The following STRN variants were observed in gnomAD, a reference collection of about 807,000 sequenced individuals.
STRN encodes striatin.
A neutral mutation model predicts 96.3 loss-of-function variants in STRN; 53 were observed. The observed-to-expected ratio is 0.55, with a 90% confidence interval of 0.44 to 0.69. The LOEUF (loss-of-function observed/expected upper bound fraction) is 0.69. Ranked by LOEUF, STRN falls within the 30% of genes least tolerant of loss-of-function variation. The probability of loss-of-function intolerance (pLI) is 0.00; values close to 1 mark genes in which losing one functional copy is unlikely to be tolerated. For missense variants in STRN, 987 were observed against 963.9 expected, an observed-to-expected ratio of 1.02 and a Z score of -0.32; for synonymous variants, 428 against 355.9, an observed-to-expected ratio of 1.20 and a Z score of -2.28.
rs1181433207 is a variant in STRN at position 36,839,686 on chromosome 2, GCTTT to G, written c.*9766_*9769del. ...GTCCTATTGTCCAGGCCAAATTCCT[GCTTT>G]CTTCTGTGTTGAACTGATCTTAAAG... On this transcript the variant is annotated 3_prime_UTR_variant, in exon 18 of 18. Transcript: ENST00000263918. 2.0e-5 allele frequency among the ~76,000 whole-genome samples: 3 copies of G among 152,056 alleles called. No homozygotes were observed. The East Asian group carries it at 5.8e-4, about 29-fold the overall frequency.
chr2:36,964,780 A>C (rs935626776), intron 1 of STRN, among the ~76,000 whole-genome samples: 1 of 152,130 alleles, frequency 6.6e-6, no homozygotes, highest in Non-Finnish European at 1.5e-5. Flanking sequence ...TGCCACTATA[A>C]GCCATTATAT....
intron 2 of STRN, among the ~76,000 whole-genome samples, chr2:36,917,892 TACTA>T (rs1182572534): frequency 2.0e-5 from 3 of 152,160 alleles, no homozygotes; most frequent in African/African-American, 7.2e-5. Context: ...AGGTACAAAA[TACTA>T]TGTATGTCTC....
At chr2:36,916,701 G>C (rs906571397) in intron 2 of STRN, among the ~76,000 whole-genome samples, 3 of 152,118 alleles carry the variant, frequency 2.0e-5, no homozygotes, top group African/African-American at 7.2e-5. Flanking sequence ...TATTCCAGTA[G>C]AAAGGAATTT....
rs142495371 is a variant in STRN, at chr2:36,960,160, C to A, written c.234+6070G>T. On this transcript the variant is annotated intron_variant, in intron 1 of 17. Transcript: ENST00000263918. ...AAAGAGCCAAATAAAATGTAGGATTCATTTCATAATGTGGTTAGTAAATTT... is the reference window on the plus strand; with the variant it reads ...AAAGAGCCAAATAAAATGTAGGATTAATTTCATAATGTGGTTAGTAAATTT... 2.7e-3 allele frequency among the ~76,000 whole-genome samples: 418 copies of A among 152,262 alleles called. 1 individual carries two copies. The highest frequency in any genetic ancestry group is 9.7e-3 in the African/African-American group (401 of 41,542).
In STRN at chr2:36,916,004, G is replaced by A. The variant is rs571116618; in HGVS notation, c.412+74C>T. On this transcript the variant is annotated intron_variant, in intron 3 of 17. Transcript: ENST00000263918. Reference sequence around the variant, plus strand: ...ACAAATAATTAGAAAGTAACTTACAGTTGTAAATGCTGCTAGAAAATACTA... The same window carrying A: ...ACAAATAATTAGAAAGTAACTTACAATTGTAAATGCTGCTAGAAAATACTA... The A allele has an allele frequency of 1.8e-5, 23 of 1,313,280 alleles. 1 individual carries two copies. The East Asian group carries it at 2.3e-4, about 13-fold the overall frequency. 81.4% of individuals were successfully genotyped at this position (1,313,280 alleles called of 1,614,324 possible). A position where few individuals can be genotyped will look rare whatever the true frequency, so the allele number is the denominator to read the frequency against.
At chr2:36,942,934 G>A (rs1274983844) in intron 1 of STRN, among the ~76,000 whole-genome samples, 2 of 152,110 alleles carry the variant, frequency 1.3e-5, no homozygotes, top group Non-Finnish European at 2.9e-5. Flanking sequence ...GACCTCAAGG[G>A]ATTTGCCCGC....
At chr2:36,889,607 C>T (rs1669332422) in intron 7 of STRN, among the ~76,000 whole-genome samples, 1 of 58,022 alleles carries the variant, frequency 1.7e-5, no homozygotes, top group Non-Finnish European at 3.2e-5. Flanking sequence ...TAAGCATATT[C>T]TTCTTTTTTT....
At chr2:36,884,345 A>G (rs569872370) in intron 8 of STRN, among the ~76,000 whole-genome samples, 11 of 152,364 alleles carry the variant, frequency 7.2e-5, no homozygotes, top group African/African-American at 2.4e-4. Context: ...ATGAAAAATA[A>G]CATTCTTTAG....
chr2:36,966,460 C>G lies in STRN; in HGVS notation c.4G>C (p.Asp2His). 6.9e-7 allele frequency: 1 copy of G among 1,455,212 alleles called. No homozygotes were observed. The highest frequency in any genetic ancestry group is 2.7e-5 in the Admixed American group (1 of 37,122). The allele number at this position is 1,455,212 out of a possible 1,614,324, so 90.1% of individuals were successfully genotyped here. Residue 2 changes from aspartate (D) to histidine (H), a missense_variant, in exon 1 of 18, where the codon GAC (aspartate) becomes CAC (histidine). Physicochemically the swap from Asp to His is moderately conservative, Grantham distance 81 (BLOSUM62 -1). Transcript: ENST00000263918. ...AAGACGCCGGGACCCGCCTGCTCGT[C>G]CATGGCGGCCGCAGATACCCGGGGA... is the stretch of plus-strand genomic sequence containing the variant. MDEQAGPGVFFS... is the reference protein window; with the variant it reads MHEQAGPGVFFS...
At chr2:36,937,239 G>GATTCCC (rs1670724281) in intron 1 of STRN, among the ~76,000 whole-genome samples, 3 of 151,932 alleles carry the variant, frequency 2.0e-5, no homozygotes, top group African/African-American at 7.2e-5. Context: ...AGCTACTTGG[G>GATTCCC]AAGCTGAGGC....
intron 3 of STRN, among the ~76,000 whole-genome samples, chr2:36,908,599 G>T (rs1029746640): frequency 3.3e-5 from 5 of 152,024 alleles, no homozygotes; most frequent in Admixed American, 6.6e-5. Context: ...ATCTTAATAA[G>T]AATCAAATAA....
At chr2:36,937,269 G>C (rs1670726602) in intron 1 of STRN, among the ~76,000 whole-genome samples, 1 of 151,676 alleles carries the variant, frequency 6.6e-6, no homozygotes, top group South Asian at 2.1e-4. Flanking sequence ...GCATGAACCG[G>C]GGAGGTGGAG....
chr2:36,920,872 C>G (rs1185233606), intron 2 of STRN, among the ~76,000 whole-genome samples: 1 of 151,744 alleles, frequency 6.6e-6, no homozygotes, highest in Admixed American at 6.6e-5. Flanking sequence ...GTCAAGGGAT[C>G]GAGACCATCC....
At chr2:36,964,376 CACA>C (rs751088986) in intron 1 of STRN, among the ~76,000 whole-genome samples, 14 of 151,972 alleles carry the variant, frequency 9.2e-5, no homozygotes, top group Non-Finnish European at 1.6e-4. Context: ...CCCACAACTG[CACA>C]ACATTAAAGT....
chr2:36,874,605 GATA>G (rs1034534169), intron 10 of STRN, among the ~76,000 whole-genome samples: 4 of 148,738 alleles, frequency 2.7e-5, no homozygotes, highest in African/African-American at 4.9e-5. Flanking sequence ...AATAGACACA[GATA>G]ATAATAGTGA....
intron 1 of STRN, among the ~76,000 whole-genome samples, chr2:36,938,937 T>C (rs534485374): frequency 2.7e-4 from 41 of 152,272 alleles, no homozygotes; most frequent in African/African-American, 9.4e-4. Context: ...AGAAAACCAA[T>C]AGCACAAACC....
chr2:36,848,008 G>C lies in STRN; in HGVS notation c.*1448C>G, dbSNP rs550470583. 1 of 152,302 alleles carries C rather than the reference G, an allele frequency of 6.6e-6. No homozygotes were observed. The highest frequency in any genetic ancestry group is 2.1e-4 in the South Asian group (1 of 4,828). The allele number at this position is 152,302 out of a possible 1,614,324, so 9.4% of individuals were successfully genotyped here. A position where few individuals can be genotyped will look rare whatever the true frequency, so the allele number is the denominator to read the frequency against. On this transcript the variant is annotated 3_prime_UTR_variant, in exon 18 of 18. Transcript: ENST00000263918. ...TGGTCTCTGTCATTTGGGACAAAGA[G>C]TAAGAGAGACATAAACCACTATAGA... is the stretch of plus-strand genomic sequence containing the variant.
At position 36,839,189 on chromosome 2, in the gene STRN, G is replaced by A. The variant is rs1255612144; in HGVS notation, c.*10267C>T. ...GTTTTTTGCATTTAAATTCATTTCT[G>A]TCACTTTCTTAACCTGAAAAACATC... On this transcript the variant is annotated 3_prime_UTR_variant, in exon 18 of 18. Coordinates refer to ENST00000263918, the MANE Select transcript of STRN (RefSeq NM_003162.4). 1.3e-5 allele frequency among the ~76,000 whole-genome samples: 2 copies of A among 152,024 alleles called. No individual in the cohort carries two copies. The highest frequency in any genetic ancestry group is 2.4e-5 in the African/African-American group (1 of 41,370).
chr2:36,925,052 G>A (rs111701788), intron 2 of STRN, 53 bp downstream of exon 2: 35 of 1,534,918 alleles, frequency 2.3e-5, no homozygotes, highest in Admixed American at 3.4e-5. Flanking sequence ...ACGAAACTCC[G>A]TCTCAAAACA....
Sources: allele counts gnomAD v4.1 joint callset (sites outside exome capture counted in the v4.1 genomes callset), GRCh38; gene constraint gnomAD v4.1.1; transcripts MANE v1.5; gene names NCBI Gene and HGNC (gene_info 2026-07-23, HGNC 2026-07-21).